ST6GALNAC3: variants seen among roughly 807,000 people sequenced by gnomAD.
The protein encoded by ST6GALNAC3 is ST6 N-acetylgalactosaminide alpha-2,6-sialyltransferase 3.
ST6GALNAC3 carries 25 observed loss-of-function variants against 32.7 expected under a neutral mutation model. The observed-to-expected ratio is 0.76, with a 90% CI of 0.56 to 1.07. ST6GALNAC3 has a LOEUF of 1.07. Among genes scored for constraint, ST6GALNAC3 ranks in the 50% least tolerant of loss-of-function variants. The pLI, the probability that ST6GALNAC3 is intolerant of heterozygous loss-of-function variation, is 0.00. For synonymous variants in ST6GALNAC3, 129 were observed against 133.1 expected, an observed-to-expected ratio of 0.97 and a Z score of 0.21; for missense variants, 355 against 382.4, an observed-to-expected ratio of 0.93 and a Z score of 0.60.
At chr1:76,286,322 G>A (rs1027251650) in intron 1 of ST6GALNAC3, among the ~76,000 whole-genome samples, 6 of 152,190 alleles carry the variant, frequency 3.9e-5, no homozygotes, top group African/African-American at 1.4e-4. Context: ...GAGCTGAAAT[G>A]ATTATTGTAT....
At chr1:76,143,691 C>A (rs1017855035) in intron 1 of ST6GALNAC3, among the ~76,000 whole-genome samples, 1 of 152,158 alleles carries the variant, frequency 6.6e-6, no homozygotes, top group Non-Finnish European at 1.5e-5. Context: ...ACATCAAAAA[C>A]TTTTGGGAAG....
intron 1 of ST6GALNAC3, among the ~76,000 whole-genome samples, chr1:76,256,158 C>T (rs1300566200): frequency 1.2e-4 from 19 of 152,036 alleles, no homozygotes; most frequent in Admixed American, 1.2e-3. Context: ...ATCTCTACTT[C>T]ATGTACATCT....
At chr1:76,259,820 A>G (rs1264718315) in intron 1 of ST6GALNAC3, among the ~76,000 whole-genome samples, 1 of 152,156 alleles carries the variant, frequency 6.6e-6, no homozygotes, top group Non-Finnish European at 1.5e-5. Context: ...TTTACAAAGC[A>G]GCTGGTGTTG....
At chr1:76,435,174 G>T (rs1656055466) in intron 3 of ST6GALNAC3, among the ~76,000 whole-genome samples, 1 of 151,978 alleles carries the variant, frequency 6.6e-6, no homozygotes, top group Admixed American at 6.6e-5. Context: ...CTATAAAATT[G>T]ACTTAAACGT....
chr1:76,352,051 G>C (rs141839713), intron 2 of ST6GALNAC3, among the ~76,000 whole-genome samples: 1 of 151,954 alleles, frequency 6.6e-6, no homozygotes, highest in Non-Finnish European at 1.5e-5. Flanking sequence ...GTGGGAGGGG[G>C]TATAAGTAGG....
chr1:76,381,600 C>T (rs1223506321), intron 2 of ST6GALNAC3, among the ~76,000 whole-genome samples: 1 of 151,906 alleles, frequency 6.6e-6, no homozygotes, highest in African/African-American at 2.4e-5. Context: ...TCAGAGTACA[C>T]CAAAATGGGC....
At chr1:76,330,785 G>A (rs1285985107) in intron 2 of ST6GALNAC3, among the ~76,000 whole-genome samples, 1 of 152,164 alleles carries the variant, frequency 6.6e-6, no homozygotes, top group Non-Finnish European at 1.5e-5. Flanking sequence ...GCAAGTGTCG[G>A]TCTTTCCATA....
intron 3 of ST6GALNAC3, among the ~76,000 whole-genome samples, chr1:76,500,045 A>G (rs929577928): frequency 1.3e-5 from 2 of 152,166 alleles, no homozygotes; most frequent in Admixed American, 6.5e-5. Flanking sequence ...TTTAAAAAAA[A>G]AAGCCTTTGG....
At chr1:76,531,336 A>G (rs1663240455) in intron 3 of ST6GALNAC3, among the ~76,000 whole-genome samples, 1 of 152,202 alleles carries the variant, frequency 6.6e-6, no homozygotes, top group Non-Finnish European at 1.5e-5. Flanking sequence ...TTTTTCTGAC[A>G]TGTTTGGAAG....
chr1:76,422,666 A>G (rs1439173756), intron 3 of ST6GALNAC3, among the ~76,000 whole-genome samples: 2 of 151,974 alleles, frequency 1.3e-5, no homozygotes, highest in Non-Finnish European at 2.9e-5. Flanking sequence ...AAGAGTTTGC[A>G]TTTCTAACAG....
chr1:76,098,191 G>A (rs961205477), intron 1 of ST6GALNAC3, among the ~76,000 whole-genome samples: 1 of 152,132 alleles, frequency 6.6e-6, no homozygotes, highest in Admixed American at 6.6e-5. Flanking sequence ...TTCTATGGAC[G>A]GGAAGAATTT....
chr1:76,360,182 G>C (rs1214625981), intron 2 of ST6GALNAC3, among the ~76,000 whole-genome samples: 1 of 152,162 alleles, frequency 6.6e-6, no homozygotes, highest in Non-Finnish European at 1.5e-5. Context: ...CCCAGGAATA[G>C]AATGGAATAG....
intron 1 of ST6GALNAC3, among the ~76,000 whole-genome samples, chr1:76,080,921 G>A (rs1242933454): frequency 6.6e-6 from 1 of 152,194 alleles, no homozygotes; most frequent in Non-Finnish European, 1.5e-5. Flanking sequence ...CAGTGACTGA[G>A]CAGATGCTTT....
intron 3 of ST6GALNAC3, among the ~76,000 whole-genome samples, chr1:76,560,242 A>G (rs1665167726): frequency 6.6e-6 from 1 of 152,190 alleles, no homozygotes; most frequent in Admixed American, 6.5e-5. Context: ...ACTACAGGAA[A>G]CATTGGAGAA....
intron 3 of ST6GALNAC3, among the ~76,000 whole-genome samples, chr1:76,483,015 A>G (rs189366997): frequency 3.3e-5 from 5 of 151,956 alleles, no homozygotes; most frequent in Non-Finnish European, 4.4e-5. Context: ...TGAGAATGAT[A>G]GTTTCCAGCT....
At chr1:76,370,659 C>T (rs1019040185) in intron 2 of ST6GALNAC3, among the ~76,000 whole-genome samples, 2 of 152,040 alleles carry the variant, frequency 1.3e-5, no homozygotes, top group Non-Finnish European at 2.9e-5. Context: ...GTAAGATGAA[C>T]CATCACTTTT....
chr1:76,285,347 C>A (rs755141184), intron 1 of ST6GALNAC3, among the ~76,000 whole-genome samples: 3 of 150,826 alleles, frequency 2.0e-5, no homozygotes, highest in Non-Finnish European at 2.9e-5. Flanking sequence ...GTCTTCTAAG[C>A]TGAGACAACA....
intron 1 of ST6GALNAC3, among the ~76,000 whole-genome samples, chr1:76,268,485 C>G (rs918369731): frequency 1.3e-5 from 2 of 152,112 alleles, no homozygotes; most frequent in African/African-American, 4.8e-5. Flanking sequence ...TGGCAGTCAG[C>G]CTTTCCCTCC....
At chr1:76,624,954 G>A (rs971216780) in intron 3 of ST6GALNAC3, among the ~76,000 whole-genome samples, 6 of 152,044 alleles carry the variant, frequency 3.9e-5, no homozygotes, top group Admixed American at 2.0e-4. Flanking sequence ...GCATGGTACC[G>A]CACAGTGGTT....
Sources: gnomAD v4.1 joint callset for allele counts (sites outside exome capture counted in the v4.1 genomes callset) on GRCh38, gnomAD v4.1.1 for gene constraint, MANE v1.5 for transcripts, NCBI Gene and HGNC (gene_info 2026-07-23, HGNC 2026-07-21) for gene names.